Variants in SLC16A7 observed in about 807,000 individuals in gnomAD.
SLC16A7 encodes the protein solute carrier family 16 member 7, also known as monocarboxylate transporter 2.
A neutral mutation model predicts 34.9 loss-of-function variants in SLC16A7; 33 were observed. That is an observed-to-expected ratio of 0.94 (90% CI 0.72 to 1.26). The LOEUF (loss-of-function observed/expected upper bound fraction) is 1.26, where lower values mean the gene tolerates loss of function less well. SLC16A7 is among the 50% of genes most tolerant of loss of function. The pLI, the probability that SLC16A7 is intolerant of heterozygous loss-of-function variation, is 0.00. For missense variants in SLC16A7, 573 were observed against 578.1 expected, an observed-to-expected ratio of 0.99 and a Z score of 0.09; for synonymous variants, 201 against 206.6, an observed-to-expected ratio of 0.97 and a Z score of 0.23.
chr12:59,629,534 A>G (rs1405130444), intron 1 of SLC16A7, among the ~76,000 whole-genome samples: 2 of 151,976 alleles, frequency 1.3e-5, no homozygotes, highest in African/African-American at 4.8e-5. Flanking sequence ...AATAAGTAAT[A>G]AAATGAACGA....
intron 2 of SLC16A7, among the ~76,000 whole-genome samples, chr12:59,686,310 C>T (rs1166567889): frequency 6.6e-6 from 1 of 151,828 alleles, no homozygotes; most frequent in Non-Finnish European, 1.5e-5. Context: ...AGTATGGGAG[C>T]TCAGAGGGAC....
At chr12:59,701,273 A>G (rs887054798) in intron 2 of SLC16A7, among the ~76,000 whole-genome samples, 3 of 151,748 alleles carry the variant, frequency 2.0e-5, no homozygotes, top group African/African-American at 7.2e-5. Context: ...ACCTGTTTTT[A>G]CAGATGAAAC....
chr12:59,731,383 T>C (rs1386906804), intron 3 of SLC16A7, among the ~76,000 whole-genome samples: 3 of 152,168 alleles, frequency 2.0e-5, no homozygotes, highest in African/African-American at 4.8e-5. Context: ...TTCCAAATTA[T>C]AGAAATGAAG....
chr12:59,646,072 A>C (rs1365702522), intron 1 of SLC16A7, among the ~76,000 whole-genome samples: 1 of 152,196 alleles, frequency 6.6e-6, no homozygotes, highest in Non-Finnish European at 1.5e-5. Context: ...GAAAATTTTC[A>C]GCCTAACAAT....
Position 59,617,759 on chromosome 12 carries a change from G to A in SLC16A7, c.-130+21523G>A, listed in dbSNP as rs574815148. ...TTGAGACCTAAGGTCTGGCCTAATCGACTCAAATAATTTAAATTGAACATC... is the reference window on the plus strand; with the variant it reads ...TTGAGACCTAAGGTCTGGCCTAATCAACTCAAATAATTTAAATTGAACATC... On this transcript the variant is annotated intron_variant, in intron 1 of 5. Transcript: ENST00000547379. Among the ~76,000 whole-genome samples the A allele has an allele frequency of 4.2e-4, 64 of 151,958 alleles. 1 individual carries two copies. Among genetic ancestry groups the A allele is most frequent in the African/African-American group, 6.7e-4 (28 of 41,530 alleles).
chr12:59,642,557 A>T (rs1880732821), intron 1 of SLC16A7, among the ~76,000 whole-genome samples: 1 of 152,120 alleles, frequency 6.6e-6, no homozygotes, highest in Admixed American at 6.6e-5. Context: ...ACATTGCATT[A>T]GTGGATGAAT....
At chr12:59,740,078 G>C (rs558117146) in intron 3 of SLC16A7, among the ~76,000 whole-genome samples, 3,645 of 151,410 alleles carry the variant, frequency 0.024, 83 homozygotes, top group Non-Finnish European at 0.041. Flanking sequence ...TTTGGCTTTT[G>C]TTGCCATTGC....
chr12:59,769,415 G>T (rs1451442674), intron 3 of SLC16A7: 2 of 152,066 alleles, frequency 1.3e-5, no homozygotes, highest in Non-Finnish European at 2.9e-5. Context: ...ACTTTACCAT[G>T]TTAGGGACAG....
At chr12:59,627,686 A>C (rs1431898995) in intron 1 of SLC16A7, among the ~76,000 whole-genome samples, 4 of 151,552 alleles carry the variant, frequency 2.6e-5, no homozygotes, top group Admixed American at 2.0e-4. Flanking sequence ...TCACAGATTC[A>C]TGTTTTTCTT....
intron 3 of SLC16A7, among the ~76,000 whole-genome samples, chr12:59,767,196 G>A (rs1881749800): frequency 6.6e-6 from 1 of 151,276 alleles, no homozygotes; most frequent in Non-Finnish European, 1.5e-5. Context: ...GCTAGTAAAT[G>A]TTGATTCATG....
intron 4 of SLC16A7, 110 bp downstream of exon 4, chr12:59,771,472 A>G (rs752942893): frequency 2.0e-5 from 15 of 765,092 alleles, no homozygotes; most frequent in Non-Finnish European, 2.7e-5. Flanking sequence ...ATTTTTTTAT[A>G]AACAATGCAG....
intron 1 of SLC16A7, among the ~76,000 whole-genome samples, chr12:59,627,616 T>A (rs1353912755): frequency 6.6e-6 from 1 of 151,816 alleles, no homozygotes; most frequent in Non-Finnish European, 1.5e-5. Context: ...ATCCATCATA[T>A]TTACTCAGTT....
chr12:59,728,640 A>C (rs1312566516), intron 3 of SLC16A7, among the ~76,000 whole-genome samples: 3 of 152,202 alleles, frequency 2.0e-5, no homozygotes, highest in Non-Finnish European at 2.9e-5. Flanking sequence ...TGGGAGGATC[A>C]CTTGAGCCCA....
intron 1 of SLC16A7, among the ~76,000 whole-genome samples, chr12:59,608,134 C>T (rs1272640316): frequency 1.3e-5 from 2 of 152,172 alleles, no homozygotes; most frequent in Non-Finnish European, 2.9e-5. Context: ...TAACTTTCTG[C>T]ATCCTCTCTC....
At chr12:59,753,864 C>A (rs367944243) in intron 3 of SLC16A7, among the ~76,000 whole-genome samples, 1 of 152,148 alleles carries the variant, frequency 6.6e-6, no homozygotes, top group South Asian at 2.1e-4. Context: ...AAGTAAAGCT[C>A]TCCTCAGCAA....
intron 2 of SLC16A7, among the ~76,000 whole-genome samples, chr12:59,668,058 T>C (rs1391721881): frequency 6.6e-6 from 1 of 152,134 alleles, no homozygotes; most frequent in Admixed American, 6.5e-5. Flanking sequence ...TTTCAGAGGA[T>C]GTATGGAAAT....
intron 1 of SLC16A7, among the ~76,000 whole-genome samples, chr12:59,621,790 A>G (rs1315867146): frequency 2.6e-5 from 4 of 151,168 alleles, no homozygotes; most frequent in African/African-American, 9.7e-5. Flanking sequence ...TTATTTAGGT[A>G]GGGGGGTTGG....
intron 3 of SLC16A7, among the ~76,000 whole-genome samples, chr12:59,738,333 A>C (rs569916974): frequency 6.6e-6 from 1 of 152,218 alleles, no homozygotes; most frequent in Non-Finnish European, 1.5e-5. Flanking sequence ...TAACAAAAAC[A>C]TAATTCTTCA....
chr12:59,749,766 G>T (rs1010146866), intron 3 of SLC16A7, among the ~76,000 whole-genome samples: 2 of 152,182 alleles, frequency 1.3e-5, no homozygotes, highest in Non-Finnish European at 2.9e-5. Flanking sequence ...GCCAATCAAA[G>T]AAATCATGAA....
Sources: allele counts gnomAD v4.1 joint callset (sites outside exome capture counted in the v4.1 genomes callset), GRCh38; gene constraint gnomAD v4.1.1; transcripts MANE v1.5; gene names NCBI Gene and HGNC (gene_info 2026-07-23, HGNC 2026-07-21).